CCL28: variants seen among roughly 807,000 people sequenced by gnomAD.
The protein encoded by CCL28 is C-C motif chemokine 28.
CCL28 carries 4 observed loss-of-function variants against 7.1 expected under a neutral mutation model. That is an observed-to-expected ratio of 0.56 (90% CI 0.28 to 1.29). CCL28 has a LOEUF of 1.29. Among genes scored for constraint, CCL28 ranks in the 50% most tolerant of loss-of-function variants. The probability of loss-of-function intolerance (pLI) is 0.11; values close to 1 mark genes in which losing one functional copy is unlikely to be tolerated. For synonymous variants in CCL28, 55 were observed against 57.8 expected (o/e 0.95, Z 0.22); for missense variants, 151 against 163.4 (o/e 0.92, Z 0.41).
chr5:43,360,696 T>C, the CCL28 span, among the ~76,000 whole-genome samples: 1 of 152,322 alleles, frequency 6.6e-6, no homozygotes, highest in South Asian at 2.1e-4. Flanking sequence ...TAAGCTTTTT[T>C]TCATATGCCT....
At chr5:43,364,203 A>G in the CCL28 span, among the ~76,000 whole-genome samples, 1 of 109,058 alleles carries the variant, frequency 9.2e-6, no homozygotes, top group South Asian at 2.6e-4. Flanking sequence ...TTTCTGATAA[A>G]CATTGTGATT....
downstream of CCL28, among the ~76,000 whole-genome samples, chr5:43,372,692 T>C (rs1289359743): frequency 1.3e-5 from 2 of 151,954 alleles, no homozygotes; most frequent in African/African-American, 4.8e-5. Context: ...ACTATATGCA[T>C]ATAATATTTT....
the CCL28 span, among the ~76,000 whole-genome samples, chr5:43,362,308 G>C: frequency 2.6e-5 from 4 of 152,086 alleles, no homozygotes; most frequent in South Asian, 8.3e-4. Flanking sequence ...TTGGTGTATA[G>C]GAATGCTAGT....
At chr5:43,408,916 A>G (rs1741419755) in intron 1 of CCL28, among the ~76,000 whole-genome samples, 1 of 141,694 alleles carries the variant, frequency 7.1e-6, no homozygotes, top group South Asian at 2.2e-4. Flanking sequence ...TTGAAATGAG[A>G]GTCTCACTCT....
the CCL28 span, among the ~76,000 whole-genome samples, chr5:43,368,012 T>A: frequency 3.9e-5 from 6 of 152,162 alleles, no homozygotes; most frequent in Admixed American, 3.9e-4. Flanking sequence ...GGGTATGTGA[T>A]GGGGTGCAGT....
At chr5:43,367,805 C>A in the CCL28 span, among the ~76,000 whole-genome samples, 2 of 152,202 alleles carry the variant, frequency 1.3e-5, no homozygotes. Flanking sequence ...CCTAGCTGTT[C>A]CTATTTGGCT....
chr5:43,372,447 C>T (rs1739801950), downstream of CCL28, among the ~76,000 whole-genome samples: 1 of 152,132 alleles, frequency 6.6e-6, no homozygotes, highest in Non-Finnish European at 1.5e-5. Context: ...CAGCTCACTG[C>T]AACCTCCGCC....
the CCL28 span, among the ~76,000 whole-genome samples, chr5:43,357,779 T>C: frequency 6.6e-6 from 1 of 152,168 alleles, no homozygotes; most frequent in Non-Finnish European, 1.5e-5. Context: ...GCCAATTTCA[T>C]GCTGTGAAAA....
Position 43,381,526 on chromosome 5 carries a change from A to T in CCL28, c.*334T>A. On this transcript the variant is annotated 3_prime_UTR_variant, in exon 3 of 3. Coordinates refer to ENST00000361115, the MANE Select transcript of CCL28 (RefSeq NM_148672.3). ...AGGCAAGTACTACCATGCCGGGCCA[A>T]TTTTTTTTTTGTTTGTAGAAATGAG... The T allele has an allele frequency of 5.9e-5, 10 of 169,648 alleles. No homozygotes were observed. Among genetic ancestry groups the T allele is most frequent in the African/African-American group, 7.3e-5 (3 of 41,320 alleles). The allele number at this position is 169,648 out of a possible 1,614,324, so 10.5% of individuals were successfully genotyped here. A position where few individuals can be genotyped will look rare whatever the true frequency, so the allele number is the denominator to read the frequency against.
At chr5:43,395,636 C>T (rs1183636630) in intron 1 of CCL28, among the ~76,000 whole-genome samples, 1 of 151,974 alleles carries the variant, frequency 6.6e-6, no homozygotes, top group African/African-American at 2.4e-5. Flanking sequence ...GAAAGGGGTC[C>T]CCATCCAGAC....
intron 1 of CCL28, among the ~76,000 whole-genome samples, chr5:43,409,620 G>A (rs1741451643): frequency 6.6e-6 from 1 of 152,082 alleles, no homozygotes; most frequent in African/African-American, 2.4e-5. Flanking sequence ...GTTTTAGGAT[G>A]CAAGCAGCAA....
chr5:43,365,749 G>T, the CCL28 span, among the ~76,000 whole-genome samples: 540 of 152,330 alleles, frequency 3.5e-3, 2 homozygotes, highest in African/African-American at 0.013. Context: ...ATCCTGAAGA[G>T]TGTTTTCCAA....
chr5:43,357,503 C>T, the CCL28 span, among the ~76,000 whole-genome samples: 648 of 152,296 alleles, frequency 4.3e-3, 5 homozygotes, highest in African/African-American at 0.015. Context: ...TCTGCCATGG[C>T]ATTGGGGAAG....
At chr5:43,401,838 T>G (rs1352437766) in intron 1 of CCL28, among the ~76,000 whole-genome samples, 1 of 152,202 alleles carries the variant, frequency 6.6e-6, no homozygotes, top group East Asian at 1.9e-4. Context: ...CCCTTAAATA[T>G]TTTTCCTTGG....
At chr5:43,363,299 A>G in the CCL28 span, among the ~76,000 whole-genome samples, 1 of 152,212 alleles carries the variant, frequency 6.6e-6, no homozygotes, top group Non-Finnish European at 1.5e-5. Flanking sequence ...CACCTTCCAC[A>G]TACAAGATAG....
chr5:43,403,513 T>A (rs1344288823), intron 1 of CCL28, among the ~76,000 whole-genome samples: 1 of 152,068 alleles, frequency 6.6e-6, no homozygotes, highest in Non-Finnish European at 1.5e-5. Context: ...CATCTGTACG[T>A]CACCATCATC....
Position 43,412,377 on chromosome 5 carries a change from G to C in CCL28, c.-61C>G. 1 of 1,481,432 alleles carries C rather than the reference G, an allele frequency of 6.8e-7. No individual in the cohort carries two copies. The highest frequency in any genetic ancestry group is 1.2e-5 in the South Asian group (1 of 85,388). 91.8% of individuals were successfully genotyped at this position (1,481,432 alleles called of 1,614,324 possible). A position where few individuals can be genotyped will look rare whatever the true frequency, so the allele number is the denominator to read the frequency against. On this transcript the variant is annotated 5_prime_UTR_variant, in exon 1 of 3. Coordinates refer to ENST00000361115, the MANE Select transcript of CCL28 (RefSeq NM_148672.3). ...GTGAGGCTGTTCGATCAGGAAATGA[G>C]GCTAAAGGTGTCCTTGGGCACAGAG...
At chr5:43,389,258 G>A (rs1194892809) in intron 1 of CCL28, among the ~76,000 whole-genome samples, 2 of 152,190 alleles carry the variant, frequency 1.3e-5, no homozygotes, top group African/African-American at 4.8e-5. Context: ...GAAGACCACT[G>A]AATTTTATAC....
At chr5:43,404,452 A>G (rs1001696460) in intron 1 of CCL28, among the ~76,000 whole-genome samples, 2 of 152,214 alleles carry the variant, frequency 1.3e-5, no homozygotes, top group Non-Finnish European at 2.9e-5. Flanking sequence ...ACAGACAAGC[A>G]AATGCTGAGA....
Sources: gnomAD v4.1 joint callset for allele counts (sites outside exome capture counted in the v4.1 genomes callset) on GRCh38, gnomAD v4.1.1 for gene constraint, MANE v1.5 for transcripts, NCBI Gene and HGNC (gene_info 2026-07-23, HGNC 2026-07-21) for gene names.